The following PRKN variants were observed in gnomAD, a reference collection of about 807,000 sequenced individuals.
PRKN encodes the protein E3 ubiquitin-protein ligase parkin.
A neutral mutation model predicts 59.5 loss-of-function variants in PRKN; 56 were observed. The ratio of observed to expected loss-of-function variants is 0.94; its 90% CI spans 0.76 to 1.18. The LOEUF is 1.18. Among genes scored for constraint, PRKN ranks in the 50% most tolerant of loss-of-function variants. The probability of loss-of-function intolerance (pLI) is 0.00; values close to 1 mark genes in which losing one functional copy is unlikely to be tolerated. For synonymous variants in PRKN, 250 were observed against 222.1 expected (o/e 1.13, Z -1.12); for missense variants, 657 against 596.4 (o/e 1.10, Z -1.06).
intron 7 of PRKN, among the ~76,000 whole-genome samples, chr6:161,769,058 G>A (rs1490742927): frequency 1.3e-5 from 2 of 152,150 alleles, no homozygotes; most frequent in Non-Finnish European, 2.9e-5. Context: ...ACGTATTTAT[G>A]GAACGTTTTA....
rs185070094 is a variant in PRKN, at chr6:162,440,622, A to C, written c.171+2688T>G. Among the ~76,000 whole-genome samples the C allele has an allele frequency of 2.0e-5, 3 of 152,226 alleles. No individual in the cohort carries two copies. In the East Asian group the frequency reaches 5.8e-4, roughly 29 times the overall value. ...ATATATGTTCATATCACCTATGATAAAGAATACGAAACCAGGAGGAAGACA... is the reference window on the plus strand; with the variant it reads ...ATATATGTTCATATCACCTATGATACAGAATACGAAACCAGGAGGAAGACA... On this transcript the variant is annotated intron_variant, in intron 2 of 11. Coordinates refer to ENST00000366898, the MANE Select transcript of PRKN (RefSeq NM_004562.3).
intron 2 of PRKN, among the ~76,000 whole-genome samples, chr6:162,390,592 C>A (rs1049463221): frequency 6.6e-6 from 1 of 151,768 alleles, no homozygotes; most frequent in Admixed American, 6.6e-5. Flanking sequence ...TAGATGCCCC[C>A]ACCACGCCTG....
chr6:161,767,616 G>A (rs1789485939), intron 7 of PRKN, among the ~76,000 whole-genome samples: 1 of 152,092 alleles, frequency 6.6e-6, no homozygotes, highest in Non-Finnish European at 1.5e-5. Flanking sequence ...CCCATCTAAA[G>A]ACACACAGGA....
At chr6:162,511,108 T>C (rs1777595108) in intron 1 of PRKN, among the ~76,000 whole-genome samples, 1 of 152,160 alleles carries the variant, frequency 6.6e-6, no homozygotes, top group South Asian at 2.1e-4. Context: ...ATTGAGATCT[T>C]AAAGTTTTTC....
At chr6:161,952,183 C>G (rs1583396812) in intron 6 of PRKN, among the ~76,000 whole-genome samples, 1 of 152,092 alleles carries the variant, frequency 6.6e-6, no homozygotes, top group Non-Finnish European at 1.5e-5. Flanking sequence ...ACCCTCTGTT[C>G]TGCTTGTCCT....
chr6:161,778,489 G>A (rs76769202), intron 7 of PRKN, among the ~76,000 whole-genome samples: 5,536 of 152,156 alleles, frequency 0.036, 331 homozygotes, highest in African/African-American at 0.13. Flanking sequence ...AATTTTCTTG[G>A]AGGAATTACA....
intron 7 of PRKN, among the ~76,000 whole-genome samples, chr6:161,723,364 T>C (rs1787307341): frequency 6.6e-6 from 1 of 152,102 alleles, no homozygotes. Context: ...TTCATGGTAA[T>C]ATGTTTATGT....
intron 2 of PRKN, 85 bp from the exon 3 acceptor site, chr6:162,262,850 G>A (rs770804785): frequency 1.2e-5 from 19 of 1,537,758 alleles, no homozygotes; most frequent in Middle Eastern, 2.3e-4. Context: ...CTTGCCCTCC[G>A]TGGTAGAAGG....
At position 161,407,295 on chromosome 6, in the gene PRKN, A is replaced by C. The variant is rs1787322169; in HGVS notation, c.1084-20418T>G. Reference sequence around the variant, plus strand: ...GCACTGACTTGATAAATAAGAAACAATATTGCTTCTCATTTGGCAAAGCTG... The same window carrying C: ...GCACTGACTTGATAAATAAGAAACACTATTGCTTCTCATTTGGCAAAGCTG... On this transcript the variant is annotated intron_variant, in intron 9 of 11. Transcript: ENST00000366898. This position sits in a 1 kb window ranked among gnomAD's most constrained non-coding sequence, Gnocchi z 4.9. 6.6e-6 allele frequency among the ~76,000 whole-genome samples: 1 copy of C among 152,018 alleles called. No homozygotes were observed. Among genetic ancestry groups the C allele is most frequent in the Non-Finnish European group, 1.5e-5 (1 of 68,012 alleles).
intron 2 of PRKN, among the ~76,000 whole-genome samples, chr6:162,266,297 A>ATT (rs1300574454): frequency 2.4e-5 from 3 of 125,924 alleles, no homozygotes; most frequent in African/African-American, 1.0e-4. Flanking sequence ...ATACATATAT[A>ATT]TTGTGTGTGT....
At chr6:162,531,057 CAAAA>C (rs1171548218) in intron 1 of PRKN, among the ~76,000 whole-genome samples, 3 of 79,884 alleles carry the variant, frequency 3.8e-5, no homozygotes, top group South Asian at 4.3e-4. Context: ...ACTCCATCTC[CAAAA>C]AAAAAAAAAA....
chr6:161,998,689 T>C (rs184593088), intron 5 of PRKN, among the ~76,000 whole-genome samples: 52 of 152,266 alleles, frequency 3.4e-4, no homozygotes, highest in African/African-American at 6.3e-4. Context: ...AGAGGAAGTT[T>C]CAGCGAATTG....
rs191075129 is a variant in PRKN, at chr6:161,447,640, T to C, written c.1084-60763A>G. Among the ~76,000 whole-genome samples, 246 of 152,160 alleles carry C rather than the reference T, an allele frequency of 1.6e-3. 1 individual carries two copies. Among genetic ancestry groups the C allele is most frequent in the Non-Finnish European group, 2.1e-3 (146 of 68,006 alleles). On this transcript the variant is annotated intron_variant, in intron 9 of 11. Transcript: ENST00000366898. The surrounding 1 kb of genome is among the most constrained non-coding windows in gnomAD (Gnocchi z 4.1). ...TCCCGAGTAGCTGGGACTACAGGCA[T>C]GCACCACCATGCCTGGCTAATTTTT...
At chr6:162,118,685 CAA>C (rs1780779618) in intron 4 of PRKN, among the ~76,000 whole-genome samples, 1 of 152,174 alleles carries the variant, frequency 6.6e-6, no homozygotes, top group South Asian at 2.1e-4. Context: ...CAACCACAAC[CAA>C]AAGAGTATTT....
intron 1 of PRKN, among the ~76,000 whole-genome samples, chr6:162,609,375 A>G (rs531169179): frequency 1.4e-4 from 22 of 152,382 alleles, no homozygotes; most frequent in Admixed American, 1.1e-3. Context: ...AAATATTTTT[A>G]TAAATTAGAA....
At chr6:161,844,093 CAG>C (rs1237551217) in intron 6 of PRKN, among the ~76,000 whole-genome samples, 6 of 152,294 alleles carry the variant, frequency 3.9e-5, no homozygotes, top group Admixed American at 2.0e-4. Flanking sequence ...TAAGAATTTT[CAG>C]TAACTTCTGG....
chr6:162,506,517 G>A (rs1406468716), intron 1 of PRKN, among the ~76,000 whole-genome samples: 1 of 152,134 alleles, frequency 6.6e-6, no homozygotes, highest in Non-Finnish European at 1.5e-5. Flanking sequence ...TTAAATGTGC[G>A]ATATGGAATT....
chr6:162,081,810 C>T (rs750197632), intron 4 of PRKN, among the ~76,000 whole-genome samples: 3 of 152,064 alleles, frequency 2.0e-5, no homozygotes, highest in Admixed American at 6.6e-5. Flanking sequence ...TTCCAATAGA[C>T]GGCTGTGTCA....
chr6:162,127,889 C>A (rs76993314), intron 4 of PRKN, among the ~76,000 whole-genome samples: 1 of 152,074 alleles, frequency 6.6e-6, no homozygotes, highest in African/African-American at 2.4e-5. Context: ...CCTTCACTTG[C>A]GGGACTCCAG....
Sources: allele counts gnomAD v4.1 joint callset (sites outside exome capture counted in the v4.1 genomes callset), GRCh38; gene constraint gnomAD v4.1.1; non-coding constraint Gnocchi (gnomAD v3.1); transcripts MANE v1.5; gene names NCBI Gene and HGNC (gene_info 2026-07-23, HGNC 2026-07-21).